PPP1R9A: variants seen among roughly 807,000 people sequenced by gnomAD.
PPP1R9A encodes protein phosphatase 1 regulatory subunit 9A.
PPP1R9A carries 59 observed loss-of-function variants against 141.9 expected under a neutral mutation model. The observed-to-expected ratio is 0.42, with a 90% CI of 0.34 to 0.52. The LOEUF is 0.52. Ranked by LOEUF, PPP1R9A falls within the 20% of genes least tolerant of loss-of-function variation. The probability of loss-of-function intolerance (pLI) is 0.10; values close to 1 mark genes in which losing one functional copy is unlikely to be tolerated. For synonymous variants in PPP1R9A, 500 were observed against 569.7 expected (o/e 0.88, Z 1.74); for missense variants, 1,444 against 1,611.9 (o/e 0.90, Z 1.78).
chr7:95,262,606 A>G (rs908126885), intron 12 of PPP1R9A, among the ~76,000 whole-genome samples: 2 of 152,216 alleles, frequency 1.3e-5, no homozygotes, highest in African/African-American at 2.4e-5. Context: ...ACAGAATTTA[A>G]GCCTCTCTGT....
intron 4 of PPP1R9A, among the ~76,000 whole-genome samples, chr7:95,152,542 C>T (rs532945636): frequency 5.3e-4 from 81 of 152,238 alleles, no homozygotes; most frequent in African/African-American, 1.6e-3. Context: ...TCACTATGTA[C>T]GCTCAAGTTT....
intron 2 of PPP1R9A, among the ~76,000 whole-genome samples, chr7:94,920,808 G>A (rs959073581): frequency 2.6e-5 from 4 of 152,186 alleles, no homozygotes; most frequent in African/African-American, 9.7e-5. Context: ...TGCGGATTAG[G>A]TCTTTGGTAT....
chr7:95,247,928 A>G (rs1355141877), intron 9 of PPP1R9A, among the ~76,000 whole-genome samples: 1 of 152,088 alleles, frequency 6.6e-6, no homozygotes, highest in African/African-American at 2.4e-5. Flanking sequence ...TAGCACATCA[A>G]TGTTTTATAA....
chr7:95,120,384 C>T (rs974437659), intron 3 of PPP1R9A, among the ~76,000 whole-genome samples: 9 of 152,324 alleles, frequency 5.9e-5, no homozygotes, highest in South Asian at 2.1e-4. Context: ...TGTACTCTTA[C>T]GCCTAAAATA....
chr7:95,182,707 G>T (rs148320874), intron 5 of PPP1R9A, among the ~76,000 whole-genome samples: 218 of 152,170 alleles, frequency 1.4e-3, no homozygotes, highest in African/African-American at 5.2e-3. Flanking sequence ...TAAGACTACC[G>T]CTTGCCCTAA....
At chr7:94,960,434 T>C (rs1386740398) in intron 2 of PPP1R9A, among the ~76,000 whole-genome samples, 5 of 151,718 alleles carry the variant, frequency 3.3e-5, no homozygotes, top group Non-Finnish European at 7.4e-5. Context: ...ACTAATCCTA[T>C]AGTGTCCTTT....
At chr7:95,200,601 A>G (rs1385706463) in intron 6 of PPP1R9A, among the ~76,000 whole-genome samples, 2 of 152,106 alleles carry the variant, frequency 1.3e-5, no homozygotes, top group African/African-American at 4.8e-5. Flanking sequence ...TTAACTTGAT[A>G]ATTGGAATAG....
intron 2 of PPP1R9A, among the ~76,000 whole-genome samples, chr7:95,011,156 A>C (rs1804364323): frequency 6.6e-6 from 1 of 152,206 alleles, no homozygotes; most frequent in Non-Finnish European, 1.5e-5. Flanking sequence ...TTATATTTAA[A>C]ATGAGAATCA....
intron 8 of PPP1R9A, among the ~76,000 whole-genome samples, chr7:95,238,089 G>A (rs965509607): frequency 6.6e-6 from 1 of 151,942 alleles, no homozygotes; most frequent in Non-Finnish European, 1.5e-5. Context: ...TGTCTTTATC[G>A]TTTAACAAAA....
intron 2 of PPP1R9A, among the ~76,000 whole-genome samples, chr7:95,108,245 ATGAAG>A (rs1819844064): frequency 6.7e-6 from 1 of 148,802 alleles, no homozygotes; most frequent in South Asian, 2.1e-4. Context: ...TAAGCTGAAG[ATGAAG>A]AGTGTATTAC....
intron 18 of PPP1R9A, among the ~76,000 whole-genome samples, chr7:95,287,292 C>T (rs1163384113): frequency 1.3e-5 from 2 of 152,198 alleles, no homozygotes; most frequent in East Asian, 1.9e-4. Context: ...CTGCCTTTGT[C>T]ATATCTTAGT....
intron 2 of PPP1R9A, among the ~76,000 whole-genome samples, chr7:95,041,679 T>C (rs139406470): frequency 1.3e-5 from 2 of 152,170 alleles, no homozygotes; most frequent in Non-Finnish European, 2.9e-5. Context: ...TCTCATGCTT[T>C]TCTGAAATAG....
At chr7:95,053,567 T>C (rs1563171249) in intron 2 of PPP1R9A, among the ~76,000 whole-genome samples, 1 of 152,224 alleles carries the variant, frequency 6.6e-6, no homozygotes, top group Admixed American at 6.5e-5. Context: ...TATTCGTAGA[T>C]GTAATTTTAC....
chr7:95,180,847 G>T (rs915739423), intron 5 of PPP1R9A, among the ~76,000 whole-genome samples: 4 of 151,828 alleles, frequency 2.6e-5, no homozygotes, highest in Non-Finnish European at 5.9e-5. Flanking sequence ...GCAAGAATTG[G>T]GCATAATCAA....
intron 4 of PPP1R9A, among the ~76,000 whole-genome samples, chr7:95,139,649 T>G (rs1826281302): frequency 6.6e-6 from 1 of 152,222 alleles, no homozygotes; most frequent in African/African-American, 2.4e-5. Flanking sequence ...CGTAGAGTAC[T>G]TTTTTGCAAA....
chr7:95,249,453 A>G (rs1042337739), intron 9 of PPP1R9A, among the ~76,000 whole-genome samples: 2 of 152,088 alleles, frequency 1.3e-5, no homozygotes, highest in Non-Finnish European at 2.9e-5. Flanking sequence ...TTATATCACA[A>G]TTCTGTTGTA....
intron 16 of PPP1R9A, among the ~76,000 whole-genome samples, chr7:95,279,978 G>C (rs1348781800): frequency 6.6e-6 from 1 of 152,116 alleles, no homozygotes; most frequent in African/African-American, 2.4e-5. Flanking sequence ...GAATGATTCA[G>C]AGTTGAACAC....
intron 8 of PPP1R9A, among the ~76,000 whole-genome samples, chr7:95,239,918 A>T (rs1383154605): frequency 6.6e-6 from 1 of 152,026 alleles, no homozygotes; most frequent in Non-Finnish European, 1.5e-5. Context: ...TTAAAATATA[A>T]TTGTTACATT....
At chr7:94,968,578 T>C (rs1310987402) in intron 2 of PPP1R9A, among the ~76,000 whole-genome samples, 2 of 152,192 alleles carry the variant, frequency 1.3e-5, no homozygotes. Context: ...ATTTTGAGCC[T>C]ATGTGTGTCT....
Sources: gnomAD v4.1 joint callset for allele counts (sites outside exome capture counted in the v4.1 genomes callset) on GRCh38, gnomAD v4.1.1 for gene constraint, MANE v1.5 for transcripts, NCBI Gene and HGNC (gene_info 2026-07-23, HGNC 2026-07-21) for gene names.